Variants in ORAI2 observed in about 807,000 individuals in gnomAD.
ORAI2 encodes the protein protein orai-2.
Under a neutral mutation model 16.2 loss-of-function variants are expected in ORAI2, and 10 were observed. The ratio of observed to expected loss-of-function variants is 0.62; its 90% CI spans 0.38 to 1.04. The LOEUF is 1.04. ORAI2 is among the 50% of genes least tolerant of loss of function. ORAI2 has a pLI of 0.01. For synonymous variants in ORAI2, 150 were observed against 157.5 expected, an observed-to-expected ratio of 0.95 and a Z score of 0.35; for missense variants, 238 against 355.5, an observed-to-expected ratio of 0.67 and a Z score of 2.66.
chr7:102,446,468 C>T (rs1431277013), intron 3 of ORAI2, 45 bp from the exon 4 acceptor site: 1 of 1,559,522 alleles, frequency 6.4e-7, no homozygotes, highest in South Asian at 1.2e-5. Flanking sequence ...GGGGCCATAC[C>T]TTGCCCTCTC....
chr7:102,446,865 G>A lies in ORAI2; in HGVS notation c.578G>A (p.Gly193Asp). 1 of 1,613,636 alleles carries A rather than the reference G, an allele frequency of 6.2e-7. No individual in the cohort carries two copies. The highest frequency in any genetic ancestry group is 8.5e-7 in the Non-Finnish European group (1 of 1,179,980). ...GPPPGPGSHTGWQAALVSTII... is the reference protein window; with the variant it reads ...GPPPGPGSHTDWQAALVSTII... ...CCACCTGGCCCTGGGAGTCACACGG[G>A]CTGGCAGGCCGCCCTGGTGTCCACC... The change falls in exon 4 of 4, where the codon GGC (glycine) becomes GAC (aspartate). Residue 193 changes from glycine (G) to aspartate (D), a missense_variant. Gly to Asp is a moderately conservative substitution (Grantham distance 94, BLOSUM62 -1). Transcript: ENST00000495936.
At chr7:102,439,279 C>A in intron 3 of ORAI2, 98 bp downstream of exon 3, 1 of 1,023,548 alleles carries the variant, frequency 9.8e-7, no homozygotes, top group Non-Finnish European at 1.5e-6. Context: ...CCTCCAGTCT[C>A]TGGCAGCCAG....
intron 2 of ORAI2, among the ~76,000 whole-genome samples, chr7:102,438,352 A>C (rs111235934): frequency 0.01 from 1,530 of 152,248 alleles, 25 homozygotes; most frequent in African/African-American, 0.035. Context: ...CAAATCAAAT[A>C]AAATAAAAAT....
At chr7:102,434,295 G>T (rs1797003742) in intron 1 of ORAI2, among the ~76,000 whole-genome samples, 1 of 152,058 alleles carries the variant, frequency 6.6e-6, no homozygotes, top group Non-Finnish European at 1.5e-5. Context: ...ACCGGGCCTG[G>T]CACACACAGT....
chr7:102,447,375 C>A lies in ORAI2; in HGVS notation c.*323C>A. On this transcript the variant is annotated 3_prime_UTR_variant, in exon 4 of 4. Transcript: ENST00000495936. Reference sequence around the variant, plus strand: ...AGGAGGGGCTCCAAGCAGCACCCAGCGGTCCGGGGGAGTCTCAGACCCGGC... The same window carrying A: ...AGGAGGGGCTCCAAGCAGCACCCAGAGGTCCGGGGGAGTCTCAGACCCGGC... 3.1e-6 allele frequency: 1 copy of A among 327,234 alleles called. No individual in the cohort carries two copies. The highest frequency in any genetic ancestry group is 5.7e-6 in the Non-Finnish European group (1 of 176,836). The allele number at this position is 327,234 out of a possible 1,614,324, so 20.3% of individuals were successfully genotyped here.
Position 102,444,503 on chromosome 7 carries a change from C to A in ORAI2, c.226-2010C>A, listed in dbSNP as rs12536549. On this transcript the variant is annotated intron_variant, in intron 3 of 3. Transcript: ENST00000495936. Reference sequence around the variant, plus strand: ...CCTGACCTCAAGTGATCCGCCCCCCCCCGCCCCCCACCCTCCAGCCTCTTA... The same window carrying A: ...CCTGACCTCAAGTGATCCGCCCCCCACCGCCCCCCACCCTCCAGCCTCTTA... Among the ~76,000 whole-genome samples the A allele has an allele frequency of 4.0e-5, 5 of 125,304 alleles. No individual in the cohort carries two copies. The East Asian group carries it at 1.2e-3, about 29-fold the overall frequency. The allele number at this position is 125,304 out of a possible 152,430, so 82.2% of individuals were successfully genotyped here.
At chr7:102,436,706 T>TTTTTC (rs1356377915) in intron 2 of ORAI2, among the ~76,000 whole-genome samples, 4 of 152,160 alleles carry the variant, frequency 2.6e-5, no homozygotes, top group Admixed American at 6.6e-5. Flanking sequence ...TCGTTTCTTT[T>TTTTTC]TTTTCTTTTC....
chr7:102,447,426 G>A lies in ORAI2; in HGVS notation c.*374G>A, dbSNP rs902997229. ...ATGCGTGGCTGGCAGACCTGGGAGA[G>A]CCAGGGCAGGGTTTTGCGTTCAGAG... On this transcript the variant is annotated 3_prime_UTR_variant, in exon 4 of 4. Coordinates refer to ENST00000495936, the MANE Select transcript of ORAI2 (RefSeq NM_001126340.3). 3 of 238,086 alleles carry A rather than the reference G, an allele frequency of 1.3e-5. No individual in the cohort carries two copies. Among genetic ancestry groups the A allele is most frequent in the Admixed American group, 5.1e-5 (1 of 19,692 alleles). 14.7% of individuals were successfully genotyped at this position (238,086 alleles called of 1,614,324 possible). A position where few individuals can be genotyped will look rare whatever the true frequency, so the allele number is the denominator to read the frequency against.
At chr7:102,436,805 G>A (rs1797071636) in intron 2 of ORAI2, among the ~76,000 whole-genome samples, 1 of 152,024 alleles carries the variant, frequency 6.6e-6, no homozygotes, top group Non-Finnish European at 1.5e-5. Flanking sequence ...CCGCCTTCTG[G>A]GTTCAAGCGA....
intron 3 of ORAI2, among the ~76,000 whole-genome samples, chr7:102,442,506 G>A (rs564620632): frequency 6.6e-6 from 1 of 152,238 alleles, no homozygotes; most frequent in Admixed American, 6.5e-5. Flanking sequence ...GGCTAACACA[G>A]TGAAACCCCA....
intron 3 of ORAI2, among the ~76,000 whole-genome samples, chr7:102,440,080 GAAAT>G (rs1386438427): frequency 6.6e-6 from 1 of 152,034 alleles, no homozygotes; most frequent in Non-Finnish European, 1.5e-5. Flanking sequence ...ACTTTGTCTC[GAAAT>G]AAATAGATTA....
chr7:102,443,576 A>G (rs554868828), intron 3 of ORAI2, among the ~76,000 whole-genome samples: 1 of 152,156 alleles, frequency 6.6e-6, no homozygotes, highest in African/African-American at 2.4e-5. Flanking sequence ...TAGCCAACCC[A>G]GGGCCACACT....
rs1797488885 is a variant in ORAI2 at position 102,450,330 on chromosome 7, G to T, written c.*3278G>T. 6.6e-6 allele frequency: 1 copy of T among 152,260 alleles called. No individual in the cohort carries two copies. The highest frequency in any genetic ancestry group is 1.5e-5 in the Non-Finnish European group (1 of 68,064). The allele number at this position is 152,260 out of a possible 1,614,324, so 9.4% of individuals were successfully genotyped here. A position where few individuals can be genotyped will look rare whatever the true frequency, so the allele number is the denominator to read the frequency against. ...TCCCCACGGCTGGGAGAGGCAGCAGGCCCTTACTCTGGCCTGAGTCTTTTG... is the reference window on the plus strand; with the variant it reads ...TCCCCACGGCTGGGAGAGGCAGCAGTCCCTTACTCTGGCCTGAGTCTTTTG... On this transcript the variant is annotated 3_prime_UTR_variant, in exon 4 of 4. Transcript: ENST00000495936.
chr7:102,443,125 CTTCTTCTTT>C (rs1381019754), intron 3 of ORAI2, among the ~76,000 whole-genome samples: 317 of 26,598 alleles, frequency 0.012, 1 homozygote, highest in Middle Eastern at 0.058. Context: ...TCTTCTTCTT[CTTCTTCTTT>C]TTTTTTTTTT....
chr7:102,447,512 G>A lies in ORAI2; in HGVS notation c.*460G>A, dbSNP rs190864114. On this transcript the variant is annotated 3_prime_UTR_variant, in exon 4 of 4. Transcript: ENST00000495936. ...GGTGCTGAGTGGCCCGTGTGACAGT[G>A]ATGACACGAAGGCTTCGGCGTTTGA... The A allele has an allele frequency of 9.6e-4, 158 of 164,604 alleles. No individual in the cohort carries two copies. The highest frequency in any genetic ancestry group is 6.8e-3 in the Admixed American group (115 of 16,824). 10.2% of individuals were successfully genotyped at this position (164,604 alleles called of 1,614,324 possible). A position where few individuals can be genotyped will look rare whatever the true frequency, so the allele number is the denominator to read the frequency against.
At position 102,446,554 on chromosome 7, in the gene ORAI2, C is replaced by T. The variant is rs1426895067; in HGVS notation, c.267C>T (p.Tyr89=). 1.2e-6 allele frequency: 2 copies of T among 1,612,102 alleles called. No homozygotes were observed. The highest frequency in any genetic ancestry group is 2.2e-5 in the South Asian group (2 of 91,008). The part of the protein sequence containing the change: ...VEVQLETQYQ[Y]PRPLLIAFSA... ...TGCAGCTGGAGACGCAGTACCAGTACCCGCGGCCGCTGCTGATTGCCTTCA... is the reference window on the plus strand; with the variant it reads ...TGCAGCTGGAGACGCAGTACCAGTATCCGCGGCCGCTGCTGATTGCCTTCA... Residue 89 remains tyrosine, a synonymous_variant, in exon 4 of 4, where the codon TAC becomes TAT. Transcript: ENST00000495936.
chr7:102,440,847 C>T (rs1487355463), intron 3 of ORAI2, among the ~76,000 whole-genome samples: 1 of 151,448 alleles, frequency 6.6e-6, no homozygotes, highest in African/African-American at 2.4e-5. Flanking sequence ...GCACCTTGTC[C>T]AGCCTGTTTC....
intron 3 of ORAI2, among the ~76,000 whole-genome samples, chr7:102,445,489 A>G (rs1797325904): frequency 2.6e-5 from 4 of 151,504 alleles, no homozygotes. Flanking sequence ...TCACTCTGTC[A>G]CCCGGGCTGA....
intron 3 of ORAI2, among the ~76,000 whole-genome samples, chr7:102,444,783 C>T (rs972871607): frequency 2.3e-4 from 34 of 150,978 alleles, no homozygotes; most frequent in Admixed American, 1.1e-3. Flanking sequence ...CTCCTGCCTC[C>T]GCTTCCTGAG....
Sources: allele counts gnomAD v4.1 joint callset (sites outside exome capture counted in the v4.1 genomes callset), GRCh38; gene constraint gnomAD v4.1.1; transcripts MANE v1.5; gene names NCBI Gene and HGNC (gene_info 2026-07-23, HGNC 2026-07-21).